The following OTULIN variants were observed in gnomAD, a reference collection of about 807,000 sequenced individuals.
OTULIN encodes ubiquitin thioesterase otulin.
OTULIN carries 15 observed loss-of-function variants against 39.6 expected under a neutral mutation model. That is an observed-to-expected ratio of 0.38 (90% CI 0.25 to 0.58). The LOEUF is 0.58. Among genes scored for constraint, OTULIN ranks in the 20% least tolerant of loss-of-function variants. The pLI is 0.66. For missense variants in OTULIN, 319 were observed against 445.9 expected (o/e 0.72, Z 2.56); for synonymous variants, 156 against 170.3 (o/e 0.92, Z 0.65).
the OTULIN span, chr5:14,708,804 T>A: frequency 5.9e-5 from 9 of 152,198 alleles, no homozygotes; most frequent in Non-Finnish European, 2.9e-5. Context: ...GGCCCACTGA[T>A]CTTGATCACT....
At chr5:14,688,250 G>T (rs1364918932) in intron 5 of OTULIN, among the ~76,000 whole-genome samples, 1 of 152,124 alleles carries the variant, frequency 6.6e-6, no homozygotes, top group Non-Finnish European at 1.5e-5. Context: ...TGGCTTACAT[G>T]ACCCCTAGCT....
chr5:14,708,907 T>TA, the OTULIN span: 3 of 152,062 alleles, frequency 2.0e-5, no homozygotes, highest in African/African-American at 7.3e-5. Context: ...TTTTTTTTTT[T>TA]TTGAGATGGA....
At chr5:14,669,221 C>G (rs1444233701) in intron 1 of OTULIN, among the ~76,000 whole-genome samples, 1 of 151,820 alleles carries the variant, frequency 6.6e-6, no homozygotes, top group Non-Finnish European at 1.5e-5. Context: ...AAAAATTAGC[C>G]GGGTGTGGTG....
the OTULIN span, among the ~76,000 whole-genome samples, chr5:14,712,545 G>A: frequency 6.6e-6 from 1 of 152,206 alleles, no homozygotes; most frequent in Admixed American, 6.5e-5. Flanking sequence ...CGGCAGCATC[G>A]CATGTCTGCG....
At chr5:14,676,017 C>G (rs10077606) in intron 2 of OTULIN, among the ~76,000 whole-genome samples, 3,738 of 152,230 alleles carry the variant, frequency 0.025, 136 homozygotes, top group African/African-American at 0.085. Flanking sequence ...CCTTATGGCT[C>G]TCCAAGCCTT....
chr5:14,688,946 T>C (rs1421514068), intron 5 of OTULIN, among the ~76,000 whole-genome samples: 1 of 152,182 alleles, frequency 6.6e-6, no homozygotes, highest in South Asian at 2.1e-4. Context: ...TGGTGCCAAT[T>C]TGCAATAAGG....
At position 14,664,914 on chromosome 5, in the gene OTULIN, G is replaced by T; in HGVS notation, c.89G>T (p.Arg30Leu). The change falls in exon 1 of 7, where the codon CGG becomes CTG. Residue 30 changes from arginine (R) to leucine (L), a missense_variant. Arg to Leu is a moderately radical substitution (Grantham distance 102). Transcript: ENST00000284274. ...GCGCGGGAGGCGGCGGCCACGGCGC[G>T]GGACGGCGGGAAGGCGGCGGCCAGC... ...TPAREAAATA[R>L]DGGKAAASGQ... is the part of the protein sequence containing the mutation. 8.5e-7 allele frequency: 1 copy of T among 1,178,042 alleles called. No homozygotes were observed. The allele number at this position is 1,178,042 out of a possible 1,614,324, so 73.0% of individuals were successfully genotyped here.
At chr5:14,684,269 T>G (rs149780303) in intron 4 of OTULIN, among the ~76,000 whole-genome samples, 404 of 152,356 alleles carry the variant, frequency 2.7e-3, no homozygotes, top group Non-Finnish European at 4.1e-3. Flanking sequence ...AAGAACGTCT[T>G]TGTTCTTTCC....
the OTULIN span, chr5:14,708,811 C>T: frequency 6.6e-6 from 1 of 152,154 alleles, no homozygotes; most frequent in African/African-American, 2.4e-5. Context: ...TGATCTTGAT[C>T]ACTGAAGGAA....
At chr5:14,681,699 G>A (rs1039488403) in intron 4 of OTULIN, 92 bp downstream of exon 4, 9 of 1,387,790 alleles carry the variant, frequency 6.5e-6, no homozygotes, top group East Asian at 5.1e-5. Flanking sequence ...TTCTAGTATC[G>A]TCTGCAGTAT....
the OTULIN span, chr5:14,711,140 G>A: frequency 7.2e-7 from 1 of 1,387,056 alleles, no homozygotes; most frequent in Non-Finnish European, 1.0e-6. Flanking sequence ...GGGAAGAGAT[G>A]ATGCCGAAGT....
intron 4 of OTULIN, among the ~76,000 whole-genome samples, chr5:14,685,380 T>A (rs1473056515): frequency 1.3e-5 from 2 of 152,256 alleles, no homozygotes; most frequent in African/African-American, 4.8e-5. Context: ...CTTGTTTAAA[T>A]CTGGTTTCTT....
the OTULIN span, chr5:14,712,722 G>C: frequency 5.1e-5 from 39 of 762,622 alleles, no homozygotes; most frequent in African/African-American, 3.4e-5. Context: ...CTCCCATTAG[G>C]CTTCCAGCCA....
At chr5:14,675,195 CA>C (rs1044870999) in intron 2 of OTULIN, among the ~76,000 whole-genome samples, 1 of 151,718 alleles carries the variant, frequency 6.6e-6, no homozygotes, top group Admixed American at 6.6e-5. Context: ...ATTATGGTGC[CA>C]AAAAAAATTG....
rs570236828 is a variant in OTULIN at position 14,699,715 on chromosome 5, A to T, written c.*6667A>T. ...TTAAATAAAGAACACCAGCTGCATTATGTGTGTTTAGAACGAGAAGTTGTT... is the reference window on the plus strand; with the variant it reads ...TTAAATAAAGAACACCAGCTGCATTTTGTGTGTTTAGAACGAGAAGTTGTT... On this transcript the variant is annotated 3_prime_UTR_variant, in exon 7 of 7. Transcript: ENST00000284274. 1.2e-4 allele frequency: 18 copies of T among 152,284 alleles called. No individual in the cohort carries two copies. Among genetic ancestry groups the T allele is most frequent in the African/African-American group, 4.3e-4 (18 of 41,542 alleles). The allele number at this position is 152,284 out of a possible 1,614,324, so 9.4% of individuals were successfully genotyped here.
downstream of OTULIN, among the ~76,000 whole-genome samples, chr5:14,700,088 G>A (rs1272994770): frequency 6.6e-6 from 1 of 152,230 alleles, no homozygotes. Context: ...GAAAGGCTGA[G>A]CATGTTTTCA....
rs770508856 is a variant in OTULIN, at chr5:14,687,539, A to G, written c.487A>G (p.Ser163Gly). 73 of 1,613,204 alleles carry G rather than the reference A, an allele frequency of 4.5e-5. No individual in the cohort carries two copies. Among genetic ancestry groups the G allele is most frequent in the Non-Finnish European group, 5.6e-5 (66 of 1,179,808 alleles). The change falls in exon 5 of 7, where the codon AGC becomes GGC. Residue 163 changes from serine to glycine, a missense_variant. Around this residue, in one of 4 missense-constraint regions of OTULIN, gnomAD observed 54 missense variants for 50.7 expected, o/e 1.07. Coordinates refer to ENST00000284274, the MANE Select transcript of OTULIN (RefSeq NM_138348.6). ...ELMLLPEKLI[S>G]KYNWIKQWKL... ...GTTGTAGTTACCAGAAAAACTCATA[A>G]GCAAATACAACTGGATCAAGCAATG...
chr5:14,670,804 C>A (rs1735961705), intron 1 of OTULIN, among the ~76,000 whole-genome samples: 1 of 149,510 alleles, frequency 6.7e-6, no homozygotes, highest in African/African-American at 2.5e-5. Context: ...CGGGGTCTTG[C>A]TTTATGCCCA....
chr5:14,710,599 C>T, the OTULIN span: 1 of 157,420 alleles, frequency 6.4e-6, no homozygotes, highest in Admixed American at 6.1e-5. Context: ...TCACAGGTCT[C>T]CGTTCCTCAG....
Sources: allele counts gnomAD v4.1 joint callset (sites outside exome capture counted in the v4.1 genomes callset), GRCh38; gene constraint gnomAD v4.1.1; regional missense constraint gnomAD v4.1.1; transcripts MANE v1.5; gene names NCBI Gene and HGNC (gene_info 2026-07-23, HGNC 2026-07-21).